Variants in PHF24 observed in about 807,000 individuals in gnomAD.
PHF24 encodes PHD finger protein 24.
In PHF24, 25 loss-of-function variants were observed where a neutral mutation model predicts 42.6. The ratio of observed to expected loss-of-function variants is 0.59; its 90% confidence interval spans 0.43 to 0.82. The LOEUF is 0.82. Among genes scored for constraint, PHF24 ranks in the 40% least tolerant of loss-of-function variants. The pLI, the probability that PHF24 is intolerant of heterozygous loss-of-function variation, is 0.00. For synonymous variants in PHF24, 185 were observed against 204.8 expected (o/e 0.90, Z 0.83); for missense variants, 470 against 538.1 (o/e 0.87, Z 1.25).
intron 7 of PHF24, 134 bp from the exon 8 acceptor site, chr9:34,977,881 C>T: frequency 1.2e-6 from 1 of 802,576 alleles, no homozygotes; most frequent in Non-Finnish European, 2.1e-6. Flanking sequence ...TTTTGTGTAG[C>T]TCAAGCCATG....
At chr9:34,726,557 G>T in the PHF24 span, 1 of 1,551,906 alleles carries the variant, frequency 6.4e-7, no homozygotes, top group Non-Finnish European at 8.7e-7. Flanking sequence ...TGGAGCCCTT[G>T]GCTTCTCAAT....
At chr9:34,917,120 T>C in the PHF24 span, 30 of 822,432 alleles carry the variant, frequency 3.6e-5, no homozygotes, top group Non-Finnish European at 6.0e-5. Context: ...CTCACCTCGC[T>C]CTCGCGGCCT....
chr9:34,789,321 C>T, the PHF24 span, among the ~76,000 whole-genome samples: 2 of 152,214 alleles, frequency 1.3e-5, no homozygotes, highest in Non-Finnish European at 2.9e-5. Context: ...AATATACTCT[C>T]TGCTCTCTAT....
the PHF24 span, among the ~76,000 whole-genome samples, chr9:34,818,836 A>C: frequency 1.5e-3 from 229 of 152,272 alleles, 3 homozygotes; most frequent in Admixed American, 0.013. Context: ...GGCAAGTACT[A>C]TCTTGTCTTC....
At chr9:34,750,379 A>C in the PHF24 span, among the ~76,000 whole-genome samples, 1 of 152,038 alleles carries the variant, frequency 6.6e-6, no homozygotes. Context: ...AGTCCCAGCT[A>C]CTTAGGAGGG....
chr9:34,840,056 G>A, the PHF24 span, among the ~76,000 whole-genome samples: 1 of 152,240 alleles, frequency 6.6e-6, no homozygotes, highest in Non-Finnish European at 1.5e-5. Context: ...TAGCAGAGGT[G>A]CAGATGAATG....
the PHF24 span, chr9:34,709,578 T>G: frequency 2.5e-6 from 4 of 1,614,170 alleles, no homozygotes; most frequent in Non-Finnish European, 2.5e-6. Context: ...CTGGGCTGGT[T>G]TCTGTGGGGA....
the PHF24 span, chr9:34,710,094 C>T: frequency 3.2e-5 from 51 of 1,606,262 alleles, no homozygotes; most frequent in Non-Finnish European, 4.2e-5. Context: ...AGTAAGAGGC[C>T]AGAGCTGAGG....
chr9:34,727,737 C>T, the PHF24 span, among the ~76,000 whole-genome samples: 1 of 152,208 alleles, frequency 6.6e-6, no homozygotes, highest in South Asian at 2.1e-4. Context: ...TATCTCATGG[C>T]TGAGTGCAGC....
the PHF24 span, among the ~76,000 whole-genome samples, chr9:34,700,104 C>G: frequency 6.6e-6 from 1 of 152,082 alleles, no homozygotes; most frequent in Non-Finnish European, 1.5e-5. Context: ...AAGAGTGTAT[C>G]TGAGGAATAG....
chr9:34,928,010 C>A, the PHF24 span, among the ~76,000 whole-genome samples: 1 of 151,852 alleles, frequency 6.6e-6, no homozygotes, highest in African/African-American at 2.4e-5. Flanking sequence ...ATAAGATCTA[C>A]CTTTGGACCT....
chr9:34,729,895 C>T, the PHF24 span, among the ~76,000 whole-genome samples: 1 of 152,126 alleles, frequency 6.6e-6, no homozygotes, highest in Non-Finnish European at 1.5e-5. Context: ...AGGGCGGAGT[C>T]TGGTTATGGC....
chr9:34,675,586 T>C, the PHF24 span, among the ~76,000 whole-genome samples: 1 of 152,148 alleles, frequency 6.6e-6, no homozygotes, highest in South Asian at 2.1e-4. Context: ...GGTGATGGGA[T>C]ATCAGGATAG....
the PHF24 span, chr9:34,922,927 G>T: frequency 6.7e-7 from 1 of 1,487,884 alleles, no homozygotes; most frequent in African/African-American, 1.4e-5. Context: ...TCCATTACTG[G>T]ATGTTCCAGC....
At chr9:34,831,207 C>CA in the PHF24 span, among the ~76,000 whole-genome samples, 6 of 152,324 alleles carry the variant, frequency 3.9e-5, no homozygotes, top group South Asian at 1.2e-3. Context: ...CTGGAGCTGC[C>CA]AGGCTTCTGT....
At chr9:34,878,604 G>T in the PHF24 span, among the ~76,000 whole-genome samples, 1 of 152,218 alleles carries the variant, frequency 6.6e-6, no homozygotes, top group Non-Finnish European at 1.5e-5. Flanking sequence ...CGCCCATGGA[G>T]CCTCACTCAC....
the PHF24 span, chr9:34,709,186 AC>A: frequency 4.4e-4 from 284 of 641,070 alleles, 1 homozygote; most frequent in Admixed American, 1.1e-3. Flanking sequence ...GTCTCTCTGG[AC>A]CTGGCCTGCT....
intron 1 of PHF24, among the ~76,000 whole-genome samples, chr9:34,968,432 T>C (rs1826855734): frequency 6.6e-6 from 1 of 152,256 alleles, no homozygotes; most frequent in Admixed American, 6.5e-5. Flanking sequence ...CCTGTGCCAC[T>C]GCCCTTTAAG....
chr9:34,915,026 C>CTTTTTTTTT, the PHF24 span, among the ~76,000 whole-genome samples: 6 of 37,458 alleles, frequency 1.6e-4, no homozygotes, highest in Non-Finnish European at 2.7e-4. Flanking sequence ...TTTTTCTTTT[C>CTTTTTTTTT]TTTTTTTTTT....
Sources: allele counts gnomAD v4.1 joint callset (sites outside exome capture counted in the v4.1 genomes callset), GRCh38; gene constraint gnomAD v4.1.1; transcripts MANE v1.5; gene names NCBI Gene and HGNC (gene_info 2026-07-23, HGNC 2026-07-21).